FER1L5: variants seen among roughly 807,000 people sequenced by gnomAD.
FER1L5 encodes fer-1 like family member 5.
A neutral mutation model predicts 279.9 loss-of-function variants in FER1L5; 187 were observed. The observed-to-expected ratio is 0.67, with a 90% CI of 0.59 to 0.75. The LOEUF is 0.75. Ranked by LOEUF, FER1L5 falls within the 30% of genes least tolerant of loss-of-function variation. The pLI, the probability that FER1L5 is intolerant of heterozygous loss-of-function variation, is 0.00. For missense variants in FER1L5, 2,091 were observed against 2,594.4 expected (o/e 0.81, Z 4.21); for synonymous variants, 921 against 989.7 (o/e 0.93, Z 1.30).
chr2:96,704,240 C>T lies in FER1L5; in HGVS notation c.5827C>T (p.Leu1943=), dbSNP rs372545524. ...ACGCACCAACACCTCTTTCACGTGG[C>T]TGCGGTCACCAGTTCAAAACTTCTG... ...PLRTNTSFTW[L]RSPVQNFCYI... is the part of the protein sequence containing the mutation. Residue 1943 remains leucine, a synonymous_variant, in exon 52 of 53, where the codon CTG becomes TTG. Coordinates refer to ENST00000624922, the MANE Select transcript of FER1L5 (RefSeq NM_001293083.2). 3.8e-5 allele frequency: 61 copies of T among 1,614,038 alleles called. 3 individuals are homozygous for T. The highest frequency in any genetic ancestry group is 1.7e-4 in the Admixed American group (10 of 60,032).
rs200690415 is a variant in FER1L5, at chr2:96,704,645, A to G, written c.6127A>G (p.Asn2043Asp). The G allele has an allele frequency of 1.0e-4, 167 of 1,613,946 alleles. No individual in the cohort carries two copies. The East Asian group carries it at 3.6e-3, about 34-fold the overall frequency. ...GTGGAAACTCCACCCAGGACCCACAAATCACCTGAGTGATATTTTCCCAGA... is the reference window on the plus strand; with the variant it reads ...GTGGAAACTCCACCCAGGACCCACAGATCACCTGAGTGATATTTTCCCAGA... Reference protein sequence around the residue: ...HEWKLHPGPTNHLSDIFPELP... With the variant: ...HEWKLHPGPTDHLSDIFPELP... The change falls in exon 53 of 53, where the codon AAT (asparagine) becomes GAT (aspartate). Residue 2043 changes from asparagine to aspartate, a missense_variant. Physicochemically the swap from Asn to Asp is conservative, Grantham distance 23. Transcript: ENST00000624922.
intron 19 of FER1L5, among the ~76,000 whole-genome samples, chr2:96,680,355 G>A (rs1011231839): frequency 4.0e-5 from 6 of 151,750 alleles, no homozygotes; most frequent in African/African-American, 9.7e-5. Flanking sequence ...CAAAAATCCC[G>A]GAAAACTATA....
Position 96,699,021 on chromosome 2 carries a change from T to TC in FER1L5, c.4519-19dup, listed in dbSNP as rs760393080. 22 of 1,594,090 alleles carry TC rather than the reference T, an allele frequency of 1.4e-5. No individual in the cohort carries two copies. In the East Asian group the frequency reaches 5.0e-4, roughly 36 times the overall value. On this transcript the variant is annotated intron_variant, in intron 41 of 52. Transcript: ENST00000624922. Reference sequence around the variant, plus strand: ...GGACGGCCTCCCCAGTTCCTATCCTTCCCCCACTTGTATCTGACCCCAGTG... The same window carrying TC: ...GGACGGCCTCCCCAGTTCCTATCCTTCCCCCCACTTGTATCTGACCCCAGTG...
intron 6 of FER1L5, among the ~76,000 whole-genome samples, 182 bp from the exon 7 acceptor site, chr2:96,651,710 C>G (rs1376341008): frequency 6.6e-6 from 1 of 151,904 alleles, no homozygotes; most frequent in Non-Finnish European, 1.5e-5. Context: ...GCCATGTTGC[C>G]CAGTCAATCT....
chr2:96,679,334 C>T (rs1383981297), intron 19 of FER1L5, among the ~76,000 whole-genome samples: 8 of 152,168 alleles, frequency 5.3e-5, no homozygotes, highest in African/African-American at 1.7e-4. Flanking sequence ...AGCAATTCTC[C>T]TGCCTCAGCC....
intron 14 of FER1L5, among the ~76,000 whole-genome samples, chr2:96,665,916 T>A (rs1256264825): frequency 6.6e-6 from 1 of 152,066 alleles, no homozygotes; most frequent in Non-Finnish European, 1.5e-5. Flanking sequence ...TCAGAACCAA[T>A]GGCACAGGCC....
chr2:96,673,214 T>G lies in FER1L5; in HGVS notation c.1629T>G (p.Pro543=). 1 of 1,551,532 alleles carries G rather than the reference T, an allele frequency of 6.4e-7. No individual in the cohort carries two copies. The highest frequency in any genetic ancestry group is 1.2e-5 in the South Asian group (1 of 84,052). The change falls in exon 19 of 53, where the codon CCT becomes CCG. Residue 543 remains proline (P), a synonymous_variant. Coordinates refer to ENST00000624922, the MANE Select transcript of FER1L5 (RefSeq NM_001293083.2). ...ACAAGATGGACCTGAATTACAAGCC[T>G]CTAGTCTCAAGCACACCGTACAGCC... The part of the protein sequence containing the change: ...YGNKMDLNYK[P]LVSSTPYSPV...
In FER1L5 at chr2:96,698,148, G is replaced by T; in HGVS notation, c.4348G>T (p.Glu1450Ter). Residue 1450 changes from glutamate (E) to a stop codon, truncating the protein, a stop_gained, in exon 40 of 53, where the codon GAG becomes TAG. Transcript: ENST00000624922. LOFTEE classifies it high-confidence loss of function. The surrounding 1 kb of genome is among the most constrained non-coding windows in gnomAD (Gnocchi z 5.5). ...CAAGTTGGACAGCCCCGTGGTAGGG[G>T]AGTTCAAGGTGTGTGTCCACCCCAG... ...QPKLDSPVVG[E>*]FKGLFRIYPF... The T allele has an allele frequency of 2.6e-6, 4 of 1,562,274 alleles. No homozygotes were observed. Among genetic ancestry groups the T allele is most frequent in the Non-Finnish European group, 3.5e-6 (4 of 1,153,210 alleles).
chr2:96,693,402 T>C (rs1318801378), intron 31 of FER1L5, 104 bp from the exon 32 acceptor site: 4 of 1,236,572 alleles, frequency 3.2e-6, no homozygotes, highest in Non-Finnish European at 4.4e-6. Context: ...CTGCCCTGCC[T>C]GACCCTCCTG....
rs771551036 is a variant in FER1L5 at position 96,647,878 on chromosome 2, C to G, written c.331C>G (p.Pro111Ala). The G allele has an allele frequency of 2.9e-5, 45 of 1,551,560 alleles. 1 individual carries two copies. In the Admixed American group the frequency reaches 4.5e-4, roughly 16 times the overall value. ...DLTLLNHSMK[P>A]TDCTVTLQVA... ...GACCCTGCTCAACCATTCCATGAAGCCCACAGATGTGAGTCAGGCCCAGGA... is the reference window on the plus strand; with the variant it reads ...GACCCTGCTCAACCATTCCATGAAGGCCACAGATGTGAGTCAGGCCCAGGA... The change falls in exon 4 of 53, where the codon CCC (proline) becomes GCC (alanine). Residue 111 changes from proline (P) to alanine (A), a missense_variant. Coordinates refer to ENST00000624922, the MANE Select transcript of FER1L5 (RefSeq NM_001293083.2).
At chr2:96,658,088 C>G (rs1415905554) in intron 9 of FER1L5, among the ~76,000 whole-genome samples, 1 of 151,486 alleles carries the variant, frequency 6.6e-6, no homozygotes, top group Non-Finnish European at 1.5e-5. Flanking sequence ...GTGATCTCGG[C>G]TCACTGCAAC....
Position 96,670,163 on chromosome 2 carries a change from A to G in FER1L5, c.1407A>G (p.Arg469=), listed in dbSNP as rs1342699346. The part of the protein sequence containing the change: ...SVRDGLAYRG[R]VFLELITQIK... ...GGGATGGTTTAGCTTATCGAGGCCG[A>G]GTCTTCCTGGAGTTAATCACCCAAA... Residue 469 remains arginine (R), a synonymous_variant, in exon 18 of 53, where the codon CGA becomes CGG. Coordinates refer to ENST00000624922, the MANE Select transcript of FER1L5 (RefSeq NM_001293083.2). 6.4e-7 allele frequency: 1 copy of G among 1,551,602 alleles called. No individual in the cohort carries two copies. The highest frequency in any genetic ancestry group is 8.7e-7 in the Non-Finnish European group (1 of 1,146,970).
At chr2:96,674,521 G>A (rs1172004570) in intron 19 of FER1L5, among the ~76,000 whole-genome samples, 3 of 152,064 alleles carry the variant, frequency 2.0e-5, no homozygotes, top group Admixed American at 2.0e-4. Context: ...ACCGCACCCG[G>A]GCATCTACTT....
chr2:96,666,030 C>A (rs919668121), intron 14 of FER1L5, among the ~76,000 whole-genome samples: 16 of 151,928 alleles, frequency 1.1e-4, no homozygotes, highest in African/African-American at 3.9e-4. Context: ...CAGGGTGGGG[C>A]CCTTTGGATA....
At chr2:96,701,926 CCCAA>C in intron 45 of FER1L5, 25 bp from the exon 46 acceptor site, 1 of 1,611,216 alleles carries the variant, frequency 6.2e-7, no homozygotes, top group South Asian at 1.1e-5. Flanking sequence ...GCTAGCAACC[CCCAA>C]CCAGTCAATG....
chr2:96,665,067 A>G (rs2076081467), intron 14 of FER1L5, among the ~76,000 whole-genome samples: 1 of 152,118 alleles, frequency 6.6e-6, no homozygotes, highest in South Asian at 2.1e-4. Context: ...GCTGTTGTGG[A>G]TGACAGTTCT....
intron 6 of FER1L5, among the ~76,000 whole-genome samples, chr2:96,651,298 T>C (rs145405872): frequency 3.0e-5 from 4 of 132,712 alleles, no homozygotes; most frequent in Admixed American, 7.9e-5. Flanking sequence ...TTTCTTTCTT[T>C]CTTCTTTCCT....
Position 96,695,871 on chromosome 2 carries a change from T to C in FER1L5, c.4024T>C (p.Trp1342Arg). The change falls in exon 36 of 53, where the codon TGG (tryptophan) becomes CGG (arginine). Residue 1342 changes from tryptophan (W) to arginine (R), a missense_variant. Physicochemically the swap from Trp to Arg is moderately radical, Grantham distance 101. Transcript: ENST00000624922. ...DFLQPYFCDPWAQDYMHPKLP... is the reference protein window; with the variant it reads ...DFLQPYFCDPRAQDYMHPKLP... ...CCTCCAGCCCTACTTCTGTGACCCCTGGGCTCAAGACTATATGCACCCAAA... is the reference window on the plus strand; with the variant it reads ...CCTCCAGCCCTACTTCTGTGACCCCCGGGCTCAAGACTATATGCACCCAAA... The C allele has an allele frequency of 6.2e-7, 1 of 1,613,682 alleles. No individual in the cohort carries two copies. The highest frequency in any genetic ancestry group is 8.5e-7 in the Non-Finnish European group (1 of 1,179,808).
At chr2:96,682,331 A>C (rs1270558411) in intron 19 of FER1L5, among the ~76,000 whole-genome samples, 1 of 152,116 alleles carries the variant, frequency 6.6e-6, no homozygotes, top group African/African-American at 2.4e-5. Flanking sequence ...ACCTCAGGTG[A>C]TCCTCCCGCC....
Sources: gnomAD v4.1 joint callset for allele counts (sites outside exome capture counted in the v4.1 genomes callset) on GRCh38, gnomAD v4.1.1 for gene constraint, Gnocchi (gnomAD v3.1) non-coding constraint, MANE v1.5 for transcripts, NCBI Gene and HGNC (gene_info 2026-07-23, HGNC 2026-07-21) for gene names.